Variants in TP63 observed in about 807,000 individuals in gnomAD.
TP63 encodes the protein tumor protein 63.
A neutral mutation model predicts 82.8 loss-of-function variants in TP63; 17 were observed. The ratio of observed to expected loss-of-function variants is 0.21; its 90% confidence interval spans 0.14 to 0.31. The LOEUF (loss-of-function observed/expected upper bound fraction) is 0.31, where lower values mean the gene tolerates loss of function less well. TP63 is among the 10% of genes least tolerant of loss of function. TP63 has a pLI of 1.00. For synonymous variants in TP63, 330 were observed against 321.7 expected (o/e 1.03, Z -0.28); for missense variants, 648 against 895.3 (o/e 0.72, Z 3.52).
At chr3:189,758,814 G>A (rs1454170309) in intron 3 of TP63, among the ~76,000 whole-genome samples, 1 of 152,160 alleles carries the variant, frequency 6.6e-6, no homozygotes, top group Non-Finnish European at 1.5e-5. Flanking sequence ...TGTGAAATAT[G>A]ACTTGACCAT....
At chr3:189,778,771 A>G (rs1324378363) in intron 3 of TP63, among the ~76,000 whole-genome samples, 3 of 152,192 alleles carry the variant, frequency 2.0e-5, no homozygotes, top group Non-Finnish European at 4.4e-5. Flanking sequence ...TTACGTTGTT[A>G]TCAACTCGGC....
chr3:189,738,006 T>C (rs1720719903), intron 2 of TP63, 138 bp downstream of exon 2: 1 of 1,019,020 alleles, frequency 9.8e-7, no homozygotes, highest in Non-Finnish European at 1.4e-6. Flanking sequence ...TCCAATGCCA[T>C]CTCTTTGTTC....
rs1720771813 is a variant in TP63 at position 189,738,719 on chromosome 3, A to T, written c.269A>T (p.Glu90Val). The change falls in exon 3 of 14, where the codon GAG becomes GTG. Residue 90 changes from glutamate to valine, a missense_variant. By Grantham distance (121) the Glu-to-Val change is moderately radical. Coordinates refer to ENST00000264731, the MANE Select transcript of TP63 (RefSeq NM_003722.5). ...GAAGATGGTGCGACAAACAAGATTGAGATTAGCATGGACTGTATCCGCATG... is the reference window on the plus strand; with the variant it reads ...GAAGATGGTGCGACAAACAAGATTGTGATTAGCATGGACTGTATCCGCATG... ...PSEDGATNKI[E>V]ISMDCIRMQD... The T allele has an allele frequency of 1.9e-6, 3 of 1,614,046 alleles. No individual in the cohort carries two copies. The highest frequency in any genetic ancestry group is 2.5e-6 in the Non-Finnish European group (3 of 1,180,032).
intron 4 of TP63, among the ~76,000 whole-genome samples, chr3:189,834,541 AGAAAAT>A (rs935944827): frequency 2.0e-5 from 3 of 152,224 alleles, no homozygotes; most frequent in Non-Finnish European, 4.4e-5. Flanking sequence ...CAAAAAGAAA[AGAAAAT>A]ACGTTACTGT....
At chr3:189,836,996 T>C (rs919299799) in intron 4 of TP63, among the ~76,000 whole-genome samples, 3 of 152,244 alleles carry the variant, frequency 2.0e-5, no homozygotes, top group Admixed American at 6.5e-5. Context: ...TGCAAAGTTA[T>C]GTAACCTTTC....
chr3:189,664,614 C>T lies in TP63; in HGVS notation c.62+33037C>T, dbSNP rs376673888. Among the ~76,000 whole-genome samples, 22 of 152,036 alleles carry T rather than the reference C, an allele frequency of 1.4e-4. No individual in the cohort carries two copies. The East Asian group carries it at 2.3e-3, about 16-fold the overall frequency. On this transcript the variant is annotated intron_variant, in intron 1 of 13. Transcript: ENST00000264731. Reference sequence around the variant, plus strand: ...ATTTTTTCAGTTTTTATTTTTTTTCCTCCAGATCAAATTTCAGTAAAATGT... The same window carrying T: ...ATTTTTTCAGTTTTTATTTTTTTTCTTCCAGATCAAATTTCAGTAAAATGT...
chr3:189,680,424 C>T (rs1342322702), intron 1 of TP63, among the ~76,000 whole-genome samples: 1 of 152,070 alleles, frequency 6.6e-6, no homozygotes, highest in African/African-American at 2.4e-5. Context: ...GAGACCACCA[C>T]CAAACTCATT....
intron 4 of TP63, among the ~76,000 whole-genome samples, chr3:189,826,476 A>G (rs112997738): frequency 0.019 from 2,968 of 152,284 alleles, 102 homozygotes; most frequent in African/African-American, 0.068. Flanking sequence ...AGACACATAC[A>G]GTTTTTATTT....
rs71175304 is a variant in TP63, at chr3:189,694,790, C to CTTTTTTTTTTTTTTTTTTTTT, written c.63-42937_63-42917dup. Among the ~76,000 whole-genome samples, 17 of 32,756 alleles carry CTTTTTTTTTTTTTTTTTTTTT rather than the reference C, an allele frequency of 5.2e-4. 6 individuals carry two copies. The highest frequency in any genetic ancestry group is 7.6e-4 in the Non-Finnish European group (14 of 18,488). 21.5% of individuals were successfully genotyped at this position (32,756 alleles called of 152,430 possible). ...TTGAAAGGAGGCCAGTATTTACAGC[C>CTTTTTTTTTTTTTTTTTTTTT]TTTTTTTTTTTTTTTTTTTTTTTTT... is the stretch of plus-strand genomic sequence containing the variant. On this transcript the variant is annotated intron_variant, in intron 1 of 13. Transcript: ENST00000264731.
chr3:189,811,416 A>G (rs1260462174), intron 4 of TP63, among the ~76,000 whole-genome samples: 1 of 152,152 alleles, frequency 6.6e-6, no homozygotes, highest in Non-Finnish European at 1.5e-5. Context: ...CTACTCACAT[A>G]TCACATGGTA....
the TP63 span, among the ~76,000 whole-genome samples, chr3:189,619,610 A>G: frequency 1.3e-5 from 2 of 152,118 alleles, no homozygotes; most frequent in African/African-American, 4.8e-5. Flanking sequence ...AAGAGCCCTA[A>G]GTTTTTCAAT....
At chr3:189,867,152 G>A (rs1262312212) in intron 6 of TP63, among the ~76,000 whole-genome samples, 2 of 152,168 alleles carry the variant, frequency 1.3e-5, no homozygotes, top group Non-Finnish European at 2.9e-5. Flanking sequence ...GTTACCATAA[G>A]TGGGAAAGCC....
Position 189,808,468 on chromosome 3 carries a change from C to T in TP63, c.521C>T (p.Pro174Leu), listed in dbSNP as rs201188464. 15 of 1,614,084 alleles carry T rather than the reference C, an allele frequency of 9.3e-6. No homozygotes were observed. Among genetic ancestry groups the T allele is most frequent in the Non-Finnish European group, 1.2e-5 (14 of 1,180,040 alleles). ...AIPSNTDYPGPHSFDVSFQQS... is the reference protein window; with the variant it reads ...AIPSNTDYPGLHSFDVSFQQS... ...CCCTCCAACACCGACTACCCAGGCC[C>T]GCACAGTTTCGACGTGTCCTTCCAG... Residue 174 changes from proline to leucine, a missense_variant, in exon 4 of 14, where the codon CCG becomes CTG. Coordinates refer to ENST00000264731, the MANE Select transcript of TP63 (RefSeq NM_003722.5).
intron 1 of TP63, among the ~76,000 whole-genome samples, chr3:189,684,540 G>A (rs577985654): frequency 2.6e-4 from 39 of 152,218 alleles, no homozygotes; most frequent in Non-Finnish European, 4.4e-4. Context: ...CAGGAAGTGA[G>A]AGTAGATTAG....
chr3:189,645,056 A>G (rs758325669), intron 1 of TP63, among the ~76,000 whole-genome samples: 3 of 152,052 alleles, frequency 2.0e-5, no homozygotes, highest in Non-Finnish European at 2.9e-5. Flanking sequence ...GTTTCCAATA[A>G]TTTGTTATGT....
chr3:189,706,458 G>A (rs941192030), intron 1 of TP63, among the ~76,000 whole-genome samples: 1 of 152,086 alleles, frequency 6.6e-6, no homozygotes, highest in Non-Finnish European at 1.5e-5. Flanking sequence ...GTTTCACCAT[G>A]TTGGCCAGGC....
chr3:189,755,575 G>A (rs1228901273), intron 3 of TP63, among the ~76,000 whole-genome samples: 1 of 151,692 alleles, frequency 6.6e-6, no homozygotes, highest in Non-Finnish European at 1.5e-5. Flanking sequence ...ATATACCATG[G>A]TTTATTTAGC....
At chr3:189,884,239 G>A (rs1317312384) in intron 10 of TP63, among the ~76,000 whole-genome samples, 1 of 152,210 alleles carries the variant, frequency 6.6e-6, no homozygotes, top group Non-Finnish European at 1.5e-5. Context: ...GAGCCTAAGT[G>A]CAGCCATATG....
At chr3:189,750,616 A>T (rs1211750725) in intron 3 of TP63, among the ~76,000 whole-genome samples, 1 of 152,164 alleles carries the variant, frequency 6.6e-6, no homozygotes, top group Admixed American at 6.5e-5. Flanking sequence ...TGTATCAATT[A>T]AAAAATATTG....
Sources: gnomAD v4.1 joint callset for allele counts (sites outside exome capture counted in the v4.1 genomes callset) on GRCh38, gnomAD v4.1.1 for gene constraint, MANE v1.5 for transcripts, NCBI Gene and HGNC (gene_info 2026-07-23, HGNC 2026-07-21) for gene names.